NLRP14: variants seen among roughly 807,000 people sequenced by gnomAD.
NLRP14 encodes NLR family pyrin domain containing 14.
In NLRP14, 105 loss-of-function variants were observed where a neutral mutation model predicts 94.7. That is an observed-to-expected ratio of 1.11 (90% CI 0.95 to 1.30). The LOEUF (loss-of-function observed/expected upper bound fraction) is 1.30, where lower values mean the gene tolerates loss of function less well. Among genes scored for constraint, NLRP14 ranks in the 50% most tolerant of loss-of-function variants. The probability of loss-of-function intolerance (pLI) is 0.00; values close to 1 mark genes in which losing one functional copy is unlikely to be tolerated. For synonymous variants in NLRP14, 508 were observed against 459.9 expected, an observed-to-expected ratio of 1.10 and a Z score of -1.34; for missense variants, 1,362 against 1,254.1, an observed-to-expected ratio of 1.09 and a Z score of -1.30.
intron 5 of NLRP14, among the ~76,000 whole-genome samples, chr11:7,048,999 G>T (rs181180563): frequency 6.6e-6 from 1 of 152,060 alleles, no homozygotes; most frequent in African/African-American, 2.4e-5. Flanking sequence ...GTACTTGCCT[G>T]GGGTGAGGGG....
At chr11:7,071,119 G>T (rs1371400775) in intron 11 of NLRP14, 54 bp from the exon 12 acceptor site, 6 of 1,602,126 alleles carry the variant, frequency 3.7e-6, no homozygotes, top group Non-Finnish European at 5.1e-6. Flanking sequence ...AGAGAAAGTG[G>T]AGGGCTGTAG....
chr11:7,045,437 C>A (rs554523003), intron 4 of NLRP14, among the ~76,000 whole-genome samples: 3 of 152,156 alleles, frequency 2.0e-5, no homozygotes, highest in South Asian at 2.1e-4. Context: ...AGCCAGAGAA[C>A]CCAATGTTTT....
At chr11:7,037,601 T>C (rs1012182546) in intron 1 of NLRP14, among the ~76,000 whole-genome samples, 34 of 152,262 alleles carry the variant, frequency 2.2e-4, no homozygotes, top group Middle Eastern at 3.4e-3. Flanking sequence ...AAGTGATTAA[T>C]TGGAGCACCC....
In NLRP14 at chr11:7,039,659, T is replaced by A. The variant is rs1003899432; in HGVS notation, c.290-55T>A. The A allele has an allele frequency of 5.0e-6, 7 of 1,394,538 alleles. No individual in the cohort carries two copies. In the South Asian group the frequency reaches 6.9e-5, roughly 14 times the overall value. 86.4% of individuals were successfully genotyped at this position (1,394,538 alleles called of 1,614,324 possible). On this transcript the variant is annotated intron_variant, in intron 2 of 11. Coordinates refer to ENST00000299481, the MANE Select transcript of NLRP14 (RefSeq NM_176822.4). ...ATGCTGGCCTCTGTTCTAGCCATCATGAAAGCTCACTTTGTTTTCATTAAA... is the reference window on the plus strand; with the variant it reads ...ATGCTGGCCTCTGTTCTAGCCATCAAGAAAGCTCACTTTGTTTTCATTAAA...
chr11:7,071,519 A>G lies in NLRP14; in HGVS notation c.*211A>G, dbSNP rs1271958699. Among the ~76,000 whole-genome samples, 1 of 137,718 alleles carries G rather than the reference A, an allele frequency of 7.3e-6. No homozygotes were observed. Among genetic ancestry groups the G allele is most frequent in the Non-Finnish European group, 1.6e-5 (1 of 63,976 alleles). 90.3% of individuals were successfully genotyped at this position (137,718 alleles called of 152,430 possible). On this transcript the variant is annotated 3_prime_UTR_variant, in exon 12 of 12. Transcript: ENST00000299481. ...GCTAAAATAAAATGAAAAGCATAAA[A>G]CTCTCTGAAAAGTATGTTTTTAATT...
At chr11:7,049,867 T>G (rs1565019999) in intron 6 of NLRP14, 29 bp downstream of exon 6, 1 of 1,597,850 alleles carries the variant, frequency 6.3e-7, no homozygotes, top group Non-Finnish European at 8.6e-7. Flanking sequence ...TGTCTTGTTT[T>G]GTTTTTATAA....
At chr11:7,061,385 T>C (rs1045240262) in intron 9 of NLRP14, among the ~76,000 whole-genome samples, 2 of 152,078 alleles carry the variant, frequency 1.3e-5, no homozygotes, top group African/African-American at 4.8e-5. Flanking sequence ...CTAAGTGACC[T>C]ATATACCCAA....
Position 7,042,700 on chromosome 11 carries a change from AAGAG to A in NLRP14, c.678_681del (p.Arg227AlafsTer5), listed in dbSNP as rs1852277519. The A allele has an allele frequency of 1.2e-6, 2 of 1,614,058 alleles. No homozygotes were observed. The highest frequency in any genetic ancestry group is 4.5e-5 in the East Asian group (2 of 44,896). ...AATGGGAGAGAAATTAACCAGCTGA[AAGAG>A]AGAAGCTTTGCTCAATTGATATCAA... On this transcript the variant is annotated frameshift_variant, in exon 4 of 12. Transcript: ENST00000299481. LOFTEE classifies it high-confidence loss of function.
At position 7,063,775 on chromosome 11, in the gene NLRP14, C is replaced by T. The variant is rs1852662740; in HGVS notation, c.2975+1272C>T. Reference sequence around the variant, plus strand: ...ACAAAACTCCAAGCATGTGATGAGCCCAACTTGTAGTATTGATTTCAAACA... The same window carrying T: ...ACAAAACTCCAAGCATGTGATGAGCTCAACTTGTAGTATTGATTTCAAACA... On this transcript the variant is annotated intron_variant, in intron 10 of 11. Coordinates refer to ENST00000299481, the MANE Select transcript of NLRP14 (RefSeq NM_176822.4). Among the ~76,000 whole-genome samples the T allele has an allele frequency of 1.3e-5, 2 of 152,014 alleles. 1 individual carries two copies. Among genetic ancestry groups the T allele is most frequent in the South Asian group, 4.1e-4 (2 of 4,830 alleles).
chr11:7,035,753 C>T (rs1852152867), intron 1 of NLRP14, among the ~76,000 whole-genome samples: 1 of 152,198 alleles, frequency 6.6e-6, no homozygotes, highest in Admixed American at 6.5e-5. Context: ...CCTAGAACTA[C>T]TCTGGCCCAG....
downstream of NLRP14, among the ~76,000 whole-genome samples, chr11:7,074,160 A>G (rs1040036800): frequency 2.0e-5 from 3 of 152,224 alleles, no homozygotes; most frequent in Non-Finnish European, 2.9e-5. Context: ...ACACTCGTAT[A>G]ATATCCCCTG....
At chr11:7,031,768 T>C (rs1852101102) in intron 1 of NLRP14, among the ~76,000 whole-genome samples, 1 of 152,142 alleles carries the variant, frequency 6.6e-6, no homozygotes, top group Non-Finnish European at 1.5e-5. Context: ...CTCTCCCTAC[T>C]GAAAACGAAA....
intron 1 of NLRP14, among the ~76,000 whole-genome samples, chr11:7,038,232 A>C (rs1243589893): frequency 6.6e-6 from 1 of 152,182 alleles, no homozygotes; most frequent in East Asian, 1.9e-4. Context: ...CCATACTAAA[A>C]TTAGAGGTTG....
chr11:7,023,440 T>C (rs71472624), intron 1 of NLRP14, among the ~76,000 whole-genome samples: 4 of 146,148 alleles, frequency 2.7e-5, no homozygotes, highest in Admixed American at 2.7e-4. Context: ...TACTATAAAA[T>C]TTTTATTTTA....
At chr11:7,055,313 T>A (rs1208130953) in intron 6 of NLRP14, among the ~76,000 whole-genome samples, 1 of 152,100 alleles carries the variant, frequency 6.6e-6, no homozygotes, top group Non-Finnish European at 1.5e-5. Flanking sequence ...TTTATATTGA[T>A]CCTTAGAAAC....
chr11:7,060,122 T>C (rs944253040), intron 9 of NLRP14, 58 bp downstream of exon 9: 1 of 1,438,826 alleles, frequency 7.0e-7, no homozygotes, highest in South Asian at 1.1e-5. Flanking sequence ...TCTGGGGAGA[T>C]ACTGAAAGAA....
downstream of NLRP14, among the ~76,000 whole-genome samples, chr11:7,073,408 C>T (rs1589878064): frequency 6.6e-6 from 1 of 152,312 alleles, no homozygotes; most frequent in Non-Finnish European, 1.5e-5. Flanking sequence ...GTTCTGGTCA[C>T]CAAAATGTGT....
intron 1 of NLRP14, among the ~76,000 whole-genome samples, chr11:7,031,046 C>A (rs946041735): frequency 3.9e-5 from 6 of 152,322 alleles, no homozygotes; most frequent in Middle Eastern, 6.8e-3. Flanking sequence ...CCCACGCTGG[C>A]CCGCAGCCCT....
At chr11:7,072,654 A>T (rs1227109585), downstream of NLRP14, among the ~76,000 whole-genome samples, 1 of 151,984 alleles carries the variant, frequency 6.6e-6, no homozygotes, top group Non-Finnish European at 1.5e-5. Context: ...TGTTTACTGA[A>T]GTTGTATGCA....
Sources: gnomAD v4.1 joint callset for allele counts (sites outside exome capture counted in the v4.1 genomes callset) on GRCh38, gnomAD v4.1.1 for gene constraint, MANE v1.5 for transcripts, NCBI Gene and HGNC (gene_info 2026-07-23, HGNC 2026-07-21) for gene names.